SPECC1L: variants seen among roughly 807,000 people sequenced by gnomAD.
The protein encoded by SPECC1L is sperm antigen with calponin homology and coiled-coil domains 1 like.
Under a neutral mutation model 116.8 loss-of-function variants are expected in SPECC1L, and 40 were observed. The ratio of observed to expected loss-of-function variants is 0.34; its 90% CI spans 0.27 to 0.45. SPECC1L has a LOEUF of 0.45. Ranked by LOEUF, SPECC1L falls within the 20% of genes least tolerant of loss-of-function variation. SPECC1L has a pLI of 1.00. For synonymous variants in SPECC1L, 504 were observed against 500.6 expected (o/e 1.01, Z -0.09); for missense variants, 1,110 against 1,373.6 (o/e 0.81, Z 3.03).
chr22:24,272,112 G>A (rs1262894083), intron 1 of SPECC1L, among the ~76,000 whole-genome samples: 2 of 152,380 alleles, frequency 1.3e-5, no homozygotes, highest in East Asian at 3.9e-4. Flanking sequence ...CAGGCGCGGT[G>A]CCTCATGCCT....
At chr22:24,301,274 A>G (rs1237024214) in intron 2 of SPECC1L, among the ~76,000 whole-genome samples, 2 of 152,188 alleles carry the variant, frequency 1.3e-5, no homozygotes, top group African/African-American at 4.8e-5. Flanking sequence ...TTACAAGAAG[A>G]AAACAACCCC....
intron 2 of SPECC1L, among the ~76,000 whole-genome samples, chr22:24,299,125 C>G (rs2049324908): frequency 1.3e-5 from 2 of 151,832 alleles, no homozygotes; most frequent in Non-Finnish European, 2.9e-5. Flanking sequence ...ATAGTCCTGC[C>G]TGAAAATTTA....
intron 10 of SPECC1L, 145 bp from the exon 11 acceptor site, chr22:24,346,941 G>T (rs2041308332): frequency 2.8e-6 from 2 of 708,610 alleles, no homozygotes; most frequent in Non-Finnish European, 2.6e-6. Flanking sequence ...CACAGTCCAT[G>T]CCTGTAAGGT....
At chr22:24,373,724 T>C (rs1218187800) in intron 14 of SPECC1L, among the ~76,000 whole-genome samples, 6 of 152,176 alleles carry the variant, frequency 3.9e-5, no homozygotes, top group Admixed American at 2.6e-4. Context: ...GGCAAGGACT[T>C]CATGTTTAAA....
At chr22:24,283,156 G>A (rs934753029) in intron 2 of SPECC1L, among the ~76,000 whole-genome samples, 10 of 151,938 alleles carry the variant, frequency 6.6e-5, no homozygotes, top group African/African-American at 2.4e-4. Context: ...TCGGCTCACT[G>A]CAAGCTCCTC....
chr22:24,313,674 T>TGAAGCA (rs1295818570), intron 4 of SPECC1L, among the ~76,000 whole-genome samples: 1 of 152,122 alleles, frequency 6.6e-6, no homozygotes, highest in Admixed American at 6.5e-5. Flanking sequence ...CTTATTATTT[T>TGAAGCA]GAAGCAGATT....
At chr22:24,299,378 A>G (rs2049330138) in intron 2 of SPECC1L, among the ~76,000 whole-genome samples, 1 of 152,126 alleles carries the variant, frequency 6.6e-6, no homozygotes, top group African/African-American at 2.4e-5. Flanking sequence ...TCAAGACTGC[A>G]GTGAGCCGTG....
intron 6 of SPECC1L, among the ~76,000 whole-genome samples, chr22:24,325,828 G>A (rs2040809870): frequency 6.6e-6 from 1 of 152,144 alleles, no homozygotes; most frequent in South Asian, 2.1e-4. Context: ...TTTGTCATGT[G>A]TGTATTATGT....
At position 24,327,623 on chromosome 22, in the gene SPECC1L, G is replaced by A. The variant is rs868388124; in HGVS notation, c.2147-1223G>A. ...GTTATGTTTTCCCTAATGATAAATC[G>A]TTAAGTTCTGTCAATAGGATACTTA... is the stretch of plus-strand genomic sequence containing the variant. On this transcript the variant is annotated intron_variant, in intron 6 of 16. Transcript: ENST00000314328. Among the ~76,000 whole-genome samples the A allele has an allele frequency of 4.4e-4, 67 of 151,370 alleles. 1 individual carries two copies. The highest frequency in any genetic ancestry group is 5.6e-4 in the African/African-American group (23 of 41,146).
At chr22:24,273,946 CAG>C (rs2048781338) in intron 1 of SPECC1L, among the ~76,000 whole-genome samples, 1 of 152,156 alleles carries the variant, frequency 6.6e-6, no homozygotes, top group Non-Finnish European at 1.5e-5. Context: ...TTAGTAGAGA[CAG>C]GGTTTTTCCA....
intron 4 of SPECC1L, among the ~76,000 whole-genome samples, chr22:24,317,550 A>T (rs1322587509): frequency 8.5e-6 from 1 of 117,460 alleles, no homozygotes; most frequent in African/African-American, 3.2e-5. Context: ...ACTTCCCAGT[A>T]GGGGCGGCCG....
At chr22:24,390,834 C>T (rs1302552725) in intron 14 of SPECC1L, among the ~76,000 whole-genome samples, 4 of 102,356 alleles carry the variant, frequency 3.9e-5, no homozygotes, top group Non-Finnish European at 7.8e-5. Flanking sequence ...TCTCAGGGCT[C>T]TTCTTGGGCC....
At chr22:24,280,900 AT>A (rs1398554077) in intron 2 of SPECC1L, among the ~76,000 whole-genome samples, 25 of 151,850 alleles carry the variant, frequency 1.6e-4, no homozygotes, top group Admixed American at 1.4e-3. Context: ...TAGTCTTTTG[AT>A]TTTTTTTCCC....
intron 10 of SPECC1L, among the ~76,000 whole-genome samples, chr22:24,341,207 A>G (rs2041170477): frequency 6.6e-6 from 1 of 152,204 alleles, no homozygotes; most frequent in Admixed American, 6.5e-5. Context: ...TAGAGAAAGG[A>G]GTATAGAAAT....
In SPECC1L at chr22:24,317,016, G is replaced by C. The variant is rs1270248844; in HGVS notation, c.307+3550G>C. Among the ~76,000 whole-genome samples, 234 of 122,064 alleles carry C rather than the reference G, an allele frequency of 1.9e-3. 21 individuals are homozygous for C. Among genetic ancestry groups the C allele is most frequent in the African/African-American group, 6.4e-3 (222 of 34,438 alleles). The allele number at this position is 122,064 out of a possible 152,430, so 80.1% of individuals were successfully genotyped here. A position where few individuals can be genotyped will look rare whatever the true frequency, so the allele number is the denominator to read the frequency against. ...AGGCGCCCCTCACCTCCTGGACGGGGCGGCTGGCCGGGCGGGGGGCTGACC... is the reference window on the plus strand; with the variant it reads ...AGGCGCCCCTCACCTCCTGGACGGGCCGGCTGGCCGGGCGGGGGGCTGACC... On this transcript the variant is annotated intron_variant, in intron 4 of 16. Coordinates refer to ENST00000314328, the MANE Select transcript of SPECC1L (RefSeq NM_015330.6).
intron 14 of SPECC1L, among the ~76,000 whole-genome samples, chr22:24,405,860 T>C (rs531067109): frequency 9.3e-5 from 14 of 150,610 alleles, no homozygotes; most frequent in Non-Finnish European, 1.6e-4. Context: ...AAAAGTACTT[T>C]ACATATGTAA....
intron 2 of SPECC1L, among the ~76,000 whole-genome samples, chr22:24,283,655 T>G (rs185933735): frequency 3.3e-5 from 5 of 152,338 alleles, no homozygotes; most frequent in African/African-American, 1.2e-4. Flanking sequence ...AGAATTTGTT[T>G]TATTTCTTCT....
At chr22:24,275,983 G>A (rs1024230609) in intron 1 of SPECC1L, among the ~76,000 whole-genome samples, 3 of 152,170 alleles carry the variant, frequency 2.0e-5, no homozygotes, top group African/African-American at 7.2e-5. Flanking sequence ...TAAGTGTTGG[G>A]ATTACAGGTG....
intron 14 of SPECC1L, among the ~76,000 whole-genome samples, chr22:24,403,606 T>C (rs1280616457): frequency 6.6e-6 from 1 of 152,064 alleles, no homozygotes; most frequent in Non-Finnish European, 1.5e-5. Flanking sequence ...TGGAAGGCCC[T>C]TGGCCCTCCA....
Sources: gnomAD v4.1 joint callset for allele counts (sites outside exome capture counted in the v4.1 genomes callset) on GRCh38, gnomAD v4.1.1 for gene constraint, MANE v1.5 for transcripts, NCBI Gene and HGNC (gene_info 2026-07-23, HGNC 2026-07-21) for gene names.